Variants in KRT8 observed in about 807,000 individuals in gnomAD.
KRT8 encodes keratin 8, also known as keratin, type II cytoskeletal 8.
A neutral mutation model predicts 43.0 loss-of-function variants in KRT8; 24 were observed. The ratio of observed to expected loss-of-function variants is 0.56; its 90% CI spans 0.40 to 0.78. The LOEUF is 0.78. Among genes scored for constraint, KRT8 ranks in the 30% least tolerant of loss-of-function variants. The pLI is 0.00. For synonymous variants in KRT8, 214 were observed against 261.2 expected, an observed-to-expected ratio of 0.82 and a Z score of 1.74; for missense variants, 492 against 638.4, an observed-to-expected ratio of 0.77 and a Z score of 2.47.
At chr12:52,941,613 C>T (rs370549334) in intron 2 of KRT8, among the ~76,000 whole-genome samples, 5 of 151,054 alleles carry the variant, frequency 3.3e-5, no homozygotes, top group African/African-American at 7.3e-5. Context: ...CTCAGCCTCC[C>T]GAGTAGCTGG....
At chr12:52,941,643 C>T (rs1942271214) in intron 2 of KRT8, among the ~76,000 whole-genome samples, 1 of 151,986 alleles carries the variant, frequency 6.6e-6, no homozygotes, top group Non-Finnish European at 1.5e-5. Context: ...CATGTGCCAC[C>T]ACGCCCAGCT....
intron 2 of KRT8, among the ~76,000 whole-genome samples, chr12:52,935,433 C>T (rs182486358): frequency 1.7e-3 from 226 of 135,386 alleles, no homozygotes; most frequent in Middle Eastern, 5.0e-3. Flanking sequence ...TGGCTCACAC[C>T]TGTAATCCCA....
chr12:52,947,243 C>G (rs1390520691), intron 2 of KRT8: 1 of 152,336 alleles, frequency 6.6e-6, no homozygotes. Flanking sequence ...TACCTCCATC[C>G]TTCTCACACA....
At chr12:52,940,568 T>C (rs1462605230) in intron 2 of KRT8, among the ~76,000 whole-genome samples, 1 of 149,362 alleles carries the variant, frequency 6.7e-6, no homozygotes, top group Non-Finnish European at 1.5e-5. Context: ...TAGCTGGGGG[T>C]GTCGGGGAGG....
intron 2 of KRT8, among the ~76,000 whole-genome samples, chr12:52,934,111 C>T (rs1369118349): frequency 6.6e-5 from 10 of 151,692 alleles, no homozygotes; most frequent in Admixed American, 6.6e-4. Flanking sequence ...TGCCTGTAGT[C>T]CCAGCTGCTC....
chr12:52,937,925 A>G (rs1942194246), intron 2 of KRT8, among the ~76,000 whole-genome samples: 1 of 148,174 alleles, frequency 6.7e-6, no homozygotes, highest in Non-Finnish European at 1.5e-5. Context: ...GCTTAAGCCC[A>G]GGAGGCAGAG....
At chr12:52,922,365 A>G (rs1359001853) in intron 2 of KRT8, among the ~76,000 whole-genome samples, 3 of 152,084 alleles carry the variant, frequency 2.0e-5, no homozygotes, top group Admixed American at 2.0e-4. Context: ...AACTGCATTT[A>G]TTCCTCACAA....
chr12:52,901,056 CACT>C, intron 3 of KRT8, 100 bp downstream of exon 3: 3 of 863,544 alleles, frequency 3.5e-6, no homozygotes, highest in Non-Finnish European at 6.1e-6. Flanking sequence ...GAGTTTGTCC[CACT>C]ACTTAGGAAT....
At chr12:52,945,170 T>C (rs1156493138) in intron 2 of KRT8, among the ~76,000 whole-genome samples, 1 of 152,170 alleles carries the variant, frequency 6.6e-6, no homozygotes, top group East Asian at 1.9e-4. Context: ...CAGATCTCCC[T>C]CTGTCTCAAC....
At chr12:52,898,427 T>A in intron 7 of KRT8, 34 bp downstream of exon 7, 1 of 1,596,938 alleles carries the variant, frequency 6.3e-7, no homozygotes, top group Non-Finnish European at 8.6e-7. Context: ...GGGCCCTGCC[T>A]CCCGCCCTCA....
At chr12:52,917,966 AGAG>A (rs1941777717) in intron 2 of KRT8, among the ~76,000 whole-genome samples, 1 of 148,376 alleles carries the variant, frequency 6.7e-6, no homozygotes, top group Non-Finnish European at 1.5e-5. Context: ...AAGAAGAAGA[AGAG>A]GAAGAGGAAG....
upstream of KRT8, among the ~76,000 whole-genome samples, chr12:52,910,586 G>A (rs577864415): frequency 3.0e-4 from 45 of 152,340 alleles, no homozygotes; most frequent in South Asian, 2.7e-3. Flanking sequence ...TGAAGACAGC[G>A]GTACTGGGGA....
At position 52,949,809 on chromosome 12, in the gene KRT8, G is replaced by A. The variant is rs770975850; in HGVS notation, c.-271C>T. 1.0e-4 allele frequency: 73 copies of A among 707,458 alleles called. No homozygotes were observed. The East Asian group carries it at 1.7e-3, about 16-fold the overall frequency. The allele number at this position is 707,458 out of a possible 1,614,324, so 43.8% of individuals were successfully genotyped here. On this transcript the variant is annotated 5_prime_UTR_variant, in exon 1 of 7. Transcript: ENST00000546826. ...CCCAGGAGAGAGGGGGAAGGGGACAGGGTTGAGAGCTTTACAGAGGAAGTG... is the reference window on the plus strand; with the variant it reads ...CCCAGGAGAGAGGGGGAAGGGGACAAGGTTGAGAGCTTTACAGAGGAAGTG...
intron 2 of KRT8, among the ~76,000 whole-genome samples, chr12:52,944,970 C>T (rs1292623114): frequency 6.6e-6 from 1 of 152,174 alleles, no homozygotes; most frequent in Non-Finnish European, 1.5e-5. Flanking sequence ...ACCCTTGCCC[C>T]CACCTCTTGT....
chr12:52,917,836 C>T (rs1007770937), intron 2 of KRT8, among the ~76,000 whole-genome samples: 2 of 151,154 alleles, frequency 1.3e-5, no homozygotes, highest in Admixed American at 1.3e-4. Flanking sequence ...GCTGAGATTG[C>T]GCCTCTGTAC....
intron 6 of KRT8, 65 bp from the exon 7 acceptor site, chr12:52,898,584 C>T: frequency 1.2e-6 from 2 of 1,611,878 alleles, no homozygotes; most frequent in Non-Finnish European, 1.7e-6. Flanking sequence ...AACAACAGGA[C>T]CCCAAGTCCC....
At chr12:52,900,962 A>G in intron 3 of KRT8, 197 bp downstream of exon 3, 1 of 657,826 alleles carries the variant, frequency 1.5e-6, no homozygotes, top group Non-Finnish European at 2.8e-6. Flanking sequence ...CCATGTCCCA[A>G]CACCGATGTC....
At chr12:52,897,307 G>C in exon 8 of KRT8, 1 of 953,890 alleles carries the variant, frequency 1.0e-6, no homozygotes, top group Non-Finnish European at 1.7e-6. Context: ...CAGGTGGGCT[G>C]AGGGCTAGGG....
chr12:52,938,969 T>C (rs1437964293), intron 2 of KRT8, among the ~76,000 whole-genome samples: 1 of 152,008 alleles, frequency 6.6e-6, no homozygotes, highest in Non-Finnish European at 1.5e-5. Flanking sequence ...CCTGTAGTCC[T>C]AGCTCCTGAG....
Sources: gnomAD v4.1 joint callset for allele counts (sites outside exome capture counted in the v4.1 genomes callset) on GRCh38, gnomAD v4.1.1 for gene constraint, MANE v1.5 for transcripts, NCBI Gene and HGNC (gene_info 2026-07-23, HGNC 2026-07-21) for gene names.